Variants in ALOX5AP observed in about 807,000 individuals in gnomAD.
The protein encoded by ALOX5AP is arachidonate 5-lipoxygenase-activating protein.
In ALOX5AP, 9 loss-of-function variants were observed where a neutral mutation model predicts 18.5. That is an observed-to-expected ratio of 0.49 (90% confidence interval 0.29 to 0.85). The LOEUF (loss-of-function observed/expected upper bound fraction) is 0.85. Among genes scored for constraint, ALOX5AP ranks in the 40% least tolerant of loss-of-function variants. The pLI is 0.08. For synonymous variants in ALOX5AP, 81 were observed against 78.6 expected, an observed-to-expected ratio of 1.03 and a Z score of -0.16; for missense variants, 172 against 202.5, an observed-to-expected ratio of 0.85 and a Z score of 0.91.
At chr13:30,719,117 T>A (rs1256465895) in intron 1 of ALOX5AP, among the ~76,000 whole-genome samples, 1 of 152,106 alleles carries the variant, frequency 6.6e-6, no homozygotes, top group Non-Finnish European at 1.5e-5. Flanking sequence ...AGTTGTGCAA[T>A]GAAGGGAAAG....
intron 2 of ALOX5AP, among the ~76,000 whole-genome samples, chr13:30,748,896 C>T (rs986482149): frequency 2.6e-5 from 4 of 152,234 alleles, no homozygotes; most frequent in Non-Finnish European, 5.9e-5. Flanking sequence ...ACTTCAAAGA[C>T]TACACGAGCA....
intron 1 of ALOX5AP, among the ~76,000 whole-genome samples, chr13:30,740,206 T>A (rs183408830): frequency 5.3e-5 from 8 of 152,348 alleles, no homozygotes; most frequent in Non-Finnish European, 1.0e-4. Context: ...ACGTATGAGT[T>A]ATTTTTTTGA....
intron 2 of ALOX5AP, among the ~76,000 whole-genome samples, chr13:30,745,150 C>T (rs1328155078): frequency 1.3e-5 from 2 of 152,228 alleles, no homozygotes; most frequent in Non-Finnish European, 2.9e-5. Context: ...AAACTGGCTT[C>T]AAGGGATCTC....
At chr13:30,755,814 C>A (rs1182331148) in intron 3 of ALOX5AP, 130 bp from the exon 4 acceptor site, 17 of 815,238 alleles carry the variant, frequency 2.1e-5, no homozygotes, top group Non-Finnish European at 3.5e-5. Context: ...TCCTCTAGCC[C>A]TTGGGCTCTT....
At chr13:30,753,466 G>A (rs1951868317) in intron 3 of ALOX5AP, among the ~76,000 whole-genome samples, 1 of 152,170 alleles carries the variant, frequency 6.6e-6, no homozygotes, top group Non-Finnish European at 1.5e-5. Context: ...GTTTGAAGGT[G>A]TTTCGTAGCC....
intron 1 of ALOX5AP, among the ~76,000 whole-genome samples, chr13:30,720,331 A>G (rs1951584250): frequency 6.6e-6 from 1 of 152,226 alleles, no homozygotes; most frequent in Non-Finnish European, 1.5e-5. Flanking sequence ...TGTAAATTGT[A>G]TTATCTCTCA....
intron 1 of ALOX5AP, among the ~76,000 whole-genome samples, chr13:30,717,271 C>T (rs1951557501): frequency 6.6e-6 from 1 of 152,176 alleles, no homozygotes; most frequent in Admixed American, 6.5e-5. Flanking sequence ...TGAAAAAACT[C>T]CCAAATTGAG....
chr13:30,728,509 G>A (rs1951656023), intron 1 of ALOX5AP, among the ~76,000 whole-genome samples: 1 of 152,070 alleles, frequency 6.6e-6, no homozygotes, highest in South Asian at 2.1e-4. Context: ...TGCATCTCTG[G>A]TCAATCCCTG....
Position 30,756,245 on chromosome 13 carries a change from T to C in ALOX5AP, c.323+220T>C, listed in dbSNP as rs576725278. Among the ~76,000 whole-genome samples the C allele has an allele frequency of 6.6e-5, 10 of 152,270 alleles. No homozygotes were observed. The South Asian group carries it at 2.1e-3, about 32-fold the overall frequency. On this transcript the variant is annotated intron_variant, in intron 4 of 4. Transcript: ENST00000380490. ...CTTGCCCAGTTTTCTTATTAAGCAATTCCTCCGCATGGTGCTGGCTTTCAA... is the reference window on the plus strand; with the variant it reads ...CTTGCCCAGTTTTCTTATTAAGCAACTCCTCCGCATGGTGCTGGCTTTCAA...
At chr13:30,743,469 C>T (rs180735311) in intron 1 of ALOX5AP, among the ~76,000 whole-genome samples, 68 of 152,096 alleles carry the variant, frequency 4.5e-4, no homozygotes, top group African/African-American at 1.5e-3. Flanking sequence ...CATCACCTCC[C>T]TCTTTGGCCT....
intron 3 of ALOX5AP, among the ~76,000 whole-genome samples, chr13:30,755,667 T>C (rs1361332918): frequency 6.6e-6 from 1 of 152,216 alleles, no homozygotes; most frequent in Non-Finnish European, 1.5e-5. Context: ...AGAAAGTTTA[T>C]GAATTTGTGT....
chr13:30,740,110 T>C (rs1951751124), intron 1 of ALOX5AP, among the ~76,000 whole-genome samples: 1 of 152,212 alleles, frequency 6.6e-6, no homozygotes, highest in African/African-American at 2.4e-5. Context: ...TCCTGTGTTC[T>C]TTCTAAGAAC....
At chr13:30,762,986 T>A (rs1413992133) in intron 4 of ALOX5AP, among the ~76,000 whole-genome samples, 1 of 152,186 alleles carries the variant, frequency 6.6e-6, no homozygotes, top group Non-Finnish European at 1.5e-5. Flanking sequence ...TAGGATTTAG[T>A]GCCTTGGAGA....
At chr13:30,740,170 G>A (rs1316597794) in intron 1 of ALOX5AP, among the ~76,000 whole-genome samples, 2 of 152,146 alleles carry the variant, frequency 1.3e-5, no homozygotes, top group African/African-American at 2.4e-5. Context: ...CCTGAGATCC[G>A]GGCATCGACT....
At chr13:30,724,695 A>C (rs11147436) in intron 1 of ALOX5AP, among the ~76,000 whole-genome samples, 31,329 of 152,218 alleles carry the variant, frequency 0.21, 4,246 homozygotes, top group African/African-American at 0.37. Context: ...CACAGAATGC[A>C]TCACCATGGG....
At position 30,723,522 on chromosome 13, in the gene ALOX5AP, G is replaced by A. The variant is rs79076020; in HGVS notation, c.116+9681G>A. On this transcript the variant is annotated intron_variant, in intron 1 of 5. Transcript: ENST00000617770. Reference sequence around the variant, plus strand: ...ATAAAGTATTTGTGTACTTGACTTGGCTCTAAAGGAAGCATTGCGTGTCTG... The same window carrying A: ...ATAAAGTATTTGTGTACTTGACTTGACTCTAAAGGAAGCATTGCGTGTCTG... Among the ~76,000 whole-genome samples, 1,513 of 152,288 alleles carry A rather than the reference G, an allele frequency of 9.9e-3. 25 individuals carry two copies. The highest frequency in any genetic ancestry group is 0.035 in the African/African-American group (1,433 of 41,536).
At chr13:30,734,324 G>A (rs1951704020), upstream of ALOX5AP, among the ~76,000 whole-genome samples, 1 of 152,082 alleles carries the variant, frequency 6.6e-6, no homozygotes, top group East Asian at 1.9e-4. Context: ...CGGGCCTCTG[G>A]CACTGTACCT....
At chr13:30,718,382 C>CATATATATATATATATATATATATATAT (rs59562797) in intron 1 of ALOX5AP, among the ~76,000 whole-genome samples, 2 of 139,678 alleles carry the variant, frequency 1.4e-5, no homozygotes, top group African/African-American at 2.6e-5. Flanking sequence ...CACAGATATG[C>CATATATATATATATATATATATATATAT]ATATATATAT....
rs149901674 is a variant in ALOX5AP at position 30,727,371 on chromosome 13, A to C, written c.117-8180A>C. On this transcript the variant is annotated intron_variant, in intron 1 of 5. Coordinates refer to the ALOX5AP transcript ENST00000617770. ...CACGGTCTTTTTGGGAGGCAACTTT[A>C]GCATGGTTAAGAGGTGCGAATGGAT... Among the ~76,000 whole-genome samples, 898 of 151,858 alleles carry C rather than the reference A, an allele frequency of 5.9e-3. 11 individuals carry two copies. The highest frequency in any genetic ancestry group is 0.029 in the South Asian group (139 of 4,818).
Sources: allele counts gnomAD v4.1 joint callset (sites outside exome capture counted in the v4.1 genomes callset), GRCh38; gene constraint gnomAD v4.1.1; transcripts MANE v1.5; gene names NCBI Gene and HGNC (gene_info 2026-07-23, HGNC 2026-07-21).